The following GFRA3 variants were observed in gnomAD, a reference collection of about 807,000 sequenced individuals.
The protein encoded by GFRA3 is GDNF family receptor alpha 3, also known as GDNF family receptor alpha-3.
Under a neutral mutation model 40.0 loss-of-function variants are expected in GFRA3, and 24 were observed. The ratio of observed to expected loss-of-function variants is 0.60; its 90% CI spans 0.43 to 0.84. The LOEUF (loss-of-function observed/expected upper bound fraction) is 0.84, where lower values mean the gene tolerates loss of function less well. GFRA3 is among the 40% of genes least tolerant of loss of function. The pLI, the probability that GFRA3 is intolerant of heterozygous loss-of-function variation, is 0.00. For missense variants in GFRA3, 405 were observed against 530.6 expected, an observed-to-expected ratio of 0.76 and a Z score of 2.33; for synonymous variants, 203 against 213.5, an observed-to-expected ratio of 0.95 and a Z score of 0.43.
chr5:138,259,171 A>G (rs938970416), intron 3 of GFRA3, among the ~76,000 whole-genome samples: 1 of 152,194 alleles, frequency 6.6e-6, no homozygotes, highest in Non-Finnish European at 1.5e-5. Flanking sequence ...AATGGTTGAA[A>G]ACAAGCAATT....
intron 4 of GFRA3, 125 bp downstream of exon 4, chr5:138,257,514 T>C: frequency 1.4e-6 from 1 of 698,820 alleles, no homozygotes; most frequent in East Asian, 3.1e-5. Flanking sequence ...GGTAGCTACT[T>C]CGTGAAGCAG....
At chr5:138,268,618 C>G (rs190086342) in intron 1 of GFRA3, among the ~76,000 whole-genome samples, 55 of 152,224 alleles carry the variant, frequency 3.6e-4, no homozygotes, top group Non-Finnish European at 7.1e-4. Context: ...TGGCTGGGCG[C>G]AGTGGCTCAT....
intron 1 of GFRA3, among the ~76,000 whole-genome samples, chr5:138,269,110 A>T (rs1755829071): frequency 1.3e-5 from 2 of 152,186 alleles, no homozygotes. Context: ...CTACTTCAAG[A>T]ATGGCCATAA....
In GFRA3 at chr5:138,252,963, T is replaced by C. The variant is rs773234429; in HGVS notation, c.*5A>G. The C allele has an allele frequency of 1.3e-5, 21 of 1,557,130 alleles. No homozygotes were observed. The highest frequency in any genetic ancestry group is 1.8e-4 in the Middle Eastern group (1 of 5,554). ...GGAGGGGAAGAGGGCCCTGGGGAAG[T>C]CCAGCTACCATAGGCTCAGGAGCAG... On this transcript the variant is annotated 3_prime_UTR_variant, in exon 8 of 8. Coordinates refer to ENST00000274721, the MANE Select transcript of GFRA3 (RefSeq NM_001496.4).
At chr5:138,273,249 A>G (rs1015835431) in intron 1 of GFRA3, among the ~76,000 whole-genome samples, 1 of 152,190 alleles carries the variant, frequency 6.6e-6, no homozygotes, top group Non-Finnish European at 1.5e-5. Context: ...TTGGCTCTAC[A>G]TGGTACCTCC....
intron 1 of GFRA3, among the ~76,000 whole-genome samples, chr5:138,268,284 G>GAAAAAAAAAAAAAA (rs60958894): frequency 1.5e-4 from 5 of 33,146 alleles, no homozygotes; most frequent in Non-Finnish European, 2.1e-4. Context: ...GACTCCATCT[G>GAAAAAAAAAAAAAA]AAAAAAAAAA....
At chr5:138,268,763 G>A (rs941071313) in intron 1 of GFRA3, among the ~76,000 whole-genome samples, 7 of 151,622 alleles carry the variant, frequency 4.6e-5, no homozygotes, top group African/African-American at 9.7e-5. Flanking sequence ...GGAGGCGAGC[G>A]CCTGTAGTCC....
chr5:138,253,202 C>T (rs1226237200), intron 7 of GFRA3, 85 bp downstream of exon 7: 13 of 947,694 alleles, frequency 1.4e-5, no homozygotes, highest in African/African-American at 1.6e-5. Context: ...GTCAGCCCCT[C>T]GCCTCTATCC....
At chr5:138,258,765 T>C (rs1755671684) in intron 3 of GFRA3, among the ~76,000 whole-genome samples, 1 of 152,214 alleles carries the variant, frequency 6.6e-6, no homozygotes, top group South Asian at 2.1e-4. Flanking sequence ...TCCATTTTAA[T>C]GTCACCTGCC....
rs66792829 is a variant in GFRA3, at chr5:138,258,166, CTTTTTTTTTTTTTTTTTTTTT to C, written c.473-236_473-216del. Among the ~76,000 whole-genome samples the C allele has an allele frequency of 7.4e-3, 380 of 51,692 alleles. 3 individuals carry two copies. The highest frequency in any genetic ancestry group is 0.023 in the Admixed American group (86 of 3,808). The allele number at this position is 51,692 out of a possible 152,430, so 33.9% of individuals were successfully genotyped here. On this transcript the variant is annotated intron_variant, in intron 3 of 7. Coordinates refer to ENST00000274721, the MANE Select transcript of GFRA3 (RefSeq NM_001496.4). ...TTGAAGCCTTCCCCACCCTACTCCT[CTTTTTTTTTTTTTTTTTTTTT>C]TTTTTTTTTTGAGACGGAGTTTTGC...
intron 2 of GFRA3, among the ~76,000 whole-genome samples, chr5:138,263,203 G>A (rs2126616156): frequency 6.6e-6 from 1 of 152,184 alleles, no homozygotes; most frequent in South Asian, 2.1e-4. Flanking sequence ...CTGAACTCAA[G>A]TGATCCGCCT....
intron 4 of GFRA3, among the ~76,000 whole-genome samples, chr5:138,256,620 G>A (rs1485051940): frequency 5.3e-5 from 8 of 151,734 alleles, no homozygotes. Flanking sequence ...TAAGTGTAGG[G>A]CATCCATACA....
At chr5:138,262,595 G>A (rs997384990) in intron 2 of GFRA3, among the ~76,000 whole-genome samples, 1 of 152,074 alleles carries the variant, frequency 6.6e-6, no homozygotes, top group Non-Finnish European at 1.5e-5. Context: ...TGGGACCACA[G>A]GTGTGCACCA....
intron 1 of GFRA3, 79 bp from the exon 2 acceptor site, chr5:138,264,627 G>T: frequency 1.1e-6 from 1 of 950,768 alleles, no homozygotes; most frequent in East Asian, 2.4e-5. Flanking sequence ...GGTTGGGAGA[G>T]GGATATTCCT....
intron 1 of GFRA3, among the ~76,000 whole-genome samples, chr5:138,272,143 C>G (rs1467594038): frequency 6.6e-6 from 1 of 150,694 alleles, no homozygotes; most frequent in Non-Finnish European, 1.5e-5. Flanking sequence ...GTAGTTGGGA[C>G]TACAGGCGCC....
chr5:138,258,016 A>G, intron 3 of GFRA3, 65 bp from the exon 4 acceptor site: 1 of 1,335,368 alleles, frequency 7.5e-7, no homozygotes, highest in Non-Finnish European at 1.1e-6. Flanking sequence ...CAGGTTCCAC[A>G]GGAACCCCGG....
At chr5:138,270,233 C>T (rs1344281769) in intron 1 of GFRA3, among the ~76,000 whole-genome samples, 5 of 148,752 alleles carry the variant, frequency 3.4e-5, no homozygotes, top group Non-Finnish European at 7.4e-5. Flanking sequence ...AAAAGTTAGC[C>T]AGGTGTGCTG....
chr5:138,258,880 T>G (rs1023881374), intron 3 of GFRA3, among the ~76,000 whole-genome samples: 2 of 152,220 alleles, frequency 1.3e-5, no homozygotes, highest in African/African-American at 4.8e-5. Context: ...GCCACAGCAA[T>G]CAAGTAATTG....
chr5:138,258,035 G>C, intron 3 of GFRA3, 84 bp from the exon 4 acceptor site: 1 of 1,080,686 alleles, frequency 9.3e-7, no homozygotes. Flanking sequence ...GGAAACCCCT[G>C]ATTTGACAAG....
Sources: gnomAD v4.1 joint callset for allele counts (sites outside exome capture counted in the v4.1 genomes callset) on GRCh38, gnomAD v4.1.1 for gene constraint, MANE v1.5 for transcripts, NCBI Gene and HGNC (gene_info 2026-07-23, HGNC 2026-07-21) for gene names.